JPH1: variants seen among roughly 807,000 people sequenced by gnomAD.
JPH1 encodes the protein junctophilin 1.
In JPH1, 12 loss-of-function variants were observed where a neutral mutation model predicts 53.6. The observed-to-expected ratio is 0.22, with a 90% confidence interval of 0.14 to 0.36. The LOEUF (loss-of-function observed/expected upper bound fraction) is 0.36. JPH1 is among the 10% of genes least tolerant of loss of function. JPH1 has a pLI of 1.00. For synonymous variants in JPH1, 375 were observed against 363.8 expected, an observed-to-expected ratio of 1.03 and a Z score of -0.35; for missense variants, 808 against 905.5, an observed-to-expected ratio of 0.89 and a Z score of 1.38.
chr8:74,248,669 T>C lies in JPH1; in HGVS notation c.1259-3494A>G, dbSNP rs118063506. On this transcript the variant is annotated intron_variant, in intron 3 of 5. Coordinates refer to ENST00000342232, the MANE Select transcript of JPH1 (RefSeq NM_020647.4). Reference sequence around the variant, plus strand: ...TAGCCAACTAAATGAGGATATACAGTTAGATTTTCCAGAGGAAGATTAAAT... The same window carrying C: ...TAGCCAACTAAATGAGGATATACAGCTAGATTTTCCAGAGGAAGATTAAAT... 2.7e-3 allele frequency among the ~76,000 whole-genome samples: 410 copies of C among 152,290 alleles called. 7 individuals are homozygous for C. Among genetic ancestry groups the C allele is most frequent in the South Asian group, 0.023 (111 of 4,822 alleles).
At chr8:74,298,890 G>A (rs1807594151) in intron 2 of JPH1, among the ~76,000 whole-genome samples, 1 of 152,174 alleles carries the variant, frequency 6.6e-6, no homozygotes, top group South Asian at 2.1e-4. Context: ...AAAGATCCTT[G>A]TTTTCAGGTT....
chr8:74,275,781 T>C (rs77589279), intron 2 of JPH1, among the ~76,000 whole-genome samples: 2,043 of 152,250 alleles, frequency 0.013, 61 homozygotes, highest in African/African-American at 0.047. Context: ...TCATCAGTTT[T>C]TCTTCACAGA....
At chr8:74,286,406 C>T (rs1325737999) in intron 2 of JPH1, among the ~76,000 whole-genome samples, 1 of 152,146 alleles carries the variant, frequency 6.6e-6, no homozygotes, top group African/African-American at 2.4e-5. Context: ...AAACATTGAT[C>T]ATTTCTTAGT....
rs537873228 is a variant in JPH1 at position 74,250,509 on chromosome 8, C to T, written c.1259-5334G>A. Among the ~76,000 whole-genome samples, 4 of 152,356 alleles carry T rather than the reference C, an allele frequency of 2.6e-5. No homozygotes were observed. In the South Asian group the frequency reaches 8.3e-4, roughly 32 times the overall value. ...TCTTCCTTTCCAGGAAGGGGCAGGGCCCCGGTCCCCCCTGCTTCCTCAGTG... is the reference window on the plus strand; with the variant it reads ...TCTTCCTTTCCAGGAAGGGGCAGGGTCCCGGTCCCCCCTGCTTCCTCAGTG... On this transcript the variant is annotated intron_variant, in intron 3 of 5. Transcript: ENST00000342232.
chr8:74,272,632 T>C (rs1307218349), intron 2 of JPH1, among the ~76,000 whole-genome samples: 8 of 149,560 alleles, frequency 5.3e-5, no homozygotes, highest in African/African-American at 4.9e-5. Context: ...GAGACGGAGT[T>C]TCGCTCTGTC....
In JPH1 at chr8:74,239,265, GTT is replaced by G. The variant is rs374205022; in HGVS notation, c.1906-1964_1906-1963del. On this transcript the variant is annotated intron_variant, in intron 4 of 5. Coordinates refer to ENST00000342232, the MANE Select transcript of JPH1 (RefSeq NM_020647.4). ...TTAAGAGGACAGGTGTCTTGCTCAA[GTT>G]TCCTCAGCCAGTTTGAACAAATTGG... Among the ~76,000 whole-genome samples the G allele has an allele frequency of 2.5e-3, 380 of 152,146 alleles. 1 individual carries two copies. Among genetic ancestry groups the G allele is most frequent in the African/African-American group, 8.8e-3 (366 of 41,502 alleles).
At chr8:74,273,146 A>AC (rs1806754187) in intron 2 of JPH1, among the ~76,000 whole-genome samples, 1 of 152,182 alleles carries the variant, frequency 6.6e-6, no homozygotes. Context: ...ATTTGTAACT[A>AC]CCAACTTAAA....
chr8:74,236,092 G>A lies in JPH1; in HGVS notation c.*959C>T, dbSNP rs991162509. On this transcript the variant is annotated 3_prime_UTR_variant, in exon 6 of 6. Coordinates refer to ENST00000342232, the MANE Select transcript of JPH1 (RefSeq NM_020647.4). ...GGACTATATTTCTTAGAATTCTGTT[G>A]TGTTTCAGCTTTTAAAATTTAGCAC... 2 of 152,176 alleles carry A rather than the reference G, an allele frequency of 1.3e-5. No homozygotes were observed. Among genetic ancestry groups the A allele is most frequent in the African/African-American group, 4.8e-5 (2 of 41,444 alleles). 9.4% of individuals were successfully genotyped at this position (152,176 alleles called of 1,614,324 possible). A position where few individuals can be genotyped will look rare whatever the true frequency, so the allele number is the denominator to read the frequency against.
At chr8:74,244,471 G>A in intron 4 of JPH1, 58 bp downstream of exon 4, 1 of 1,527,446 alleles carries the variant, frequency 6.5e-7, no homozygotes, top group Non-Finnish European at 8.8e-7. Flanking sequence ...ACCCCACACA[G>A]CTCGCTGAAA....
In JPH1 at chr8:74,244,896, G is replaced by A; in HGVS notation, c.1538C>T (p.Pro513Leu). 6.2e-7 allele frequency: 1 copy of A among 1,614,116 alleles called. No homozygotes were observed. Among genetic ancestry groups the A allele is most frequent in the Non-Finnish European group, 8.5e-7 (1 of 1,180,042 alleles). Residue 513 changes from proline (P) to leucine (L), a missense_variant, in exon 4 of 6, where the codon CCC (proline) becomes CTC (leucine). Physicochemically the swap from Pro to Leu is moderately conservative, Grantham distance 98. This residue lies in a region of JPH1 where 756 missense variants were observed against 811.9 expected (regional missense o/e 0.93). Coordinates refer to ENST00000342232, the MANE Select transcript of JPH1 (RefSeq NM_020647.4). Reference protein sequence around the residue: ...DEQVTAIVNKPLMSKAPTKEA... With the variant: ...DEQVTAIVNKLLMSKAPTKEA... ...CTTCGTGGGAGCCTTTGACATCAAG[G>A]GCTTATTGACAATGGCCGTCACCTG...
intron 2 of JPH1, among the ~76,000 whole-genome samples, chr8:74,264,852 G>A (rs1261405471): frequency 6.6e-6 from 1 of 152,168 alleles, no homozygotes; most frequent in African/African-American, 2.4e-5. Flanking sequence ...TAAAGATCTA[G>A]GTGATACACT....
intron 1 of JPH1, among the ~76,000 whole-genome samples, chr8:74,316,687 G>T (rs1473351576): frequency 3.9e-5 from 6 of 152,150 alleles, no homozygotes; most frequent in Admixed American, 1.3e-4. Flanking sequence ...AGATGACTCT[G>T]TCAACAAATA....
Position 74,315,448 on chromosome 8 carries a change from G to A in JPH1, c.552C>T (p.Asp184=). Reference sequence around the variant, plus strand: ...AACCGCCGCGGGTGCCGGCCGGGCTGTCGGCGGCGGCTGCGGCGTCGTGGA... The same window carrying A: ...AACCGCCGCGGGTGCCGGCCGGGCTATCGGCGGCGGCTGCGGCGTCGTGGA... ...SVLHDAAAAA[D]SPAGTRGGFV... The change falls in exon 2 of 6, where the codon GAC becomes GAT. Residue 184 remains aspartate, a synonymous_variant. Coordinates refer to ENST00000342232, the MANE Select transcript of JPH1 (RefSeq NM_020647.4). The surrounding 1 kb of genome is among the most constrained non-coding windows in gnomAD (Gnocchi z 6.3). The A allele has an allele frequency of 6.2e-7, 1 of 1,609,554 alleles. No homozygotes were observed. The highest frequency in any genetic ancestry group is 8.5e-7 in the Non-Finnish European group (1 of 1,178,446).
At chr8:74,249,399 A>G (rs16938837) in intron 3 of JPH1, among the ~76,000 whole-genome samples, 2,387 of 152,334 alleles carry the variant, frequency 0.016, 70 homozygotes, top group African/African-American at 0.05. Context: ...TTTGTGTTCA[A>G]TATAGAAAGA....
chr8:74,301,901 C>T (rs185416732), intron 2 of JPH1, among the ~76,000 whole-genome samples: 1 of 152,308 alleles, frequency 6.6e-6, no homozygotes, highest in East Asian at 1.9e-4. Context: ...CCAGACAGAT[C>T]TTCTTTTATG....
rs953851330 is a variant in JPH1 at position 74,282,976 on chromosome 8, G to T, written c.1140-23473C>A. On this transcript the variant is annotated intron_variant, in intron 2 of 5. Coordinates refer to ENST00000342232, the MANE Select transcript of JPH1 (RefSeq NM_020647.4). ...TAAACATAATAAATGAATTTAAATG[G>T]GTATAATATTTTACTAGAGGTATTT... Among the ~76,000 whole-genome samples, 6 of 152,076 alleles carry T rather than the reference G, an allele frequency of 3.9e-5. No homozygotes were observed. In the East Asian group the frequency reaches 1.2e-3, roughly 29 times the overall value.
At chr8:74,240,081 C>G (rs188757251) in intron 4 of JPH1, among the ~76,000 whole-genome samples, 235 of 152,242 alleles carry the variant, frequency 1.5e-3, no homozygotes, top group African/African-American at 5.2e-3. Flanking sequence ...AAGTGATTCT[C>G]CTGCCTCAGC....
intron 2 of JPH1, among the ~76,000 whole-genome samples, chr8:74,292,855 C>A (rs1807379598): frequency 6.6e-6 from 1 of 152,142 alleles, no homozygotes; most frequent in South Asian, 2.1e-4. Flanking sequence ...AGGCAAAAAG[C>A]AAGACAAAGA....
At chr8:74,317,725 T>G (rs1049694493) in intron 1 of JPH1, among the ~76,000 whole-genome samples, 6 of 152,240 alleles carry the variant, frequency 3.9e-5, no homozygotes, top group African/African-American at 9.6e-5. Context: ...AGATGCTGTT[T>G]GATATCAATA....
Sources: gnomAD v4.1 joint callset for allele counts (sites outside exome capture counted in the v4.1 genomes callset) on GRCh38, gnomAD v4.1.1 for gene constraint, gnomAD v4.1.1 regional missense constraint, Gnocchi (gnomAD v3.1) non-coding constraint, MANE v1.5 for transcripts, NCBI Gene and HGNC (gene_info 2026-07-23, HGNC 2026-07-21) for gene names.